MALRD1: variants seen among roughly 807,000 people sequenced by gnomAD.
MALRD1 encodes MAM and LDL receptor class A domain containing 1.
Under a neutral mutation model 242.1 loss-of-function variants are expected in MALRD1, and 247 were observed. That is an observed-to-expected ratio of 1.02 (90% CI 0.92 to 1.13). MALRD1 has a LOEUF of 1.13. Ranked by LOEUF, MALRD1 falls within the 50% of genes most tolerant of loss-of-function variation. The pLI is 0.00. For synonymous variants in MALRD1, 995 were observed against 866.6 expected, an observed-to-expected ratio of 1.15 and a Z score of -2.60; for missense variants, 2,989 against 2,533.1, an observed-to-expected ratio of 1.18 and a Z score of -3.86.
chr10:19,061,772 A>G (rs1380561525), intron 1 of MALRD1, among the ~76,000 whole-genome samples: 1 of 152,196 alleles, frequency 6.6e-6, no homozygotes, highest in Non-Finnish European at 1.5e-5. Context: ...CTTATACCAT[A>G]TACAACAAGG....
At chr10:19,182,807 A>G (rs760900598) in intron 14 of MALRD1, among the ~76,000 whole-genome samples, 6 of 152,174 alleles carry the variant, frequency 3.9e-5, no homozygotes, top group Admixed American at 6.5e-5. Context: ...CGATGCCCTT[A>G]GTCTCTAATA....
chr10:19,118,823 A>T (rs184620919), intron 5 of MALRD1, among the ~76,000 whole-genome samples: 14 of 152,298 alleles, frequency 9.2e-5, no homozygotes, highest in Admixed American at 4.6e-4. Flanking sequence ...TCCAGCTATA[A>T]ATGCAGAGGC....
chr10:19,101,674 T>G (rs1270201384), intron 4 of MALRD1, among the ~76,000 whole-genome samples: 1 of 135,656 alleles, frequency 7.4e-6, no homozygotes, highest in Non-Finnish European at 1.5e-5. Flanking sequence ...TCTATGTATA[T>G]AAGATATAGG....
At chr10:19,445,369 C>A (rs1834912929) in intron 28 of MALRD1, among the ~76,000 whole-genome samples, 1 of 152,102 alleles carries the variant, frequency 6.6e-6, no homozygotes, top group South Asian at 2.1e-4. Context: ...GAGCTGCGTT[C>A]CTTTGGAGGA....
At chr10:19,324,803 A>T (rs1588911477) in intron 22 of MALRD1, among the ~76,000 whole-genome samples, 1 of 151,952 alleles carries the variant, frequency 6.6e-6, no homozygotes, top group South Asian at 2.1e-4. Flanking sequence ...TCTTAGTTAA[A>T]TTTTATTGTG....
chr10:19,137,467 G>T (rs944089864), intron 10 of MALRD1, among the ~76,000 whole-genome samples: 3 of 151,950 alleles, frequency 2.0e-5, no homozygotes, highest in Non-Finnish European at 4.4e-5. Flanking sequence ...TTAGCCAGGC[G>T]TGGTGGTGGG....
At chr10:19,351,724 T>C (rs1844384918) in intron 25 of MALRD1, among the ~76,000 whole-genome samples, 1 of 152,306 alleles carries the variant, frequency 6.6e-6, no homozygotes, top group South Asian at 2.1e-4. Flanking sequence ...GAAGGAATCT[T>C]GCTTTCAGAA....
intron 28 of MALRD1, among the ~76,000 whole-genome samples, chr10:19,421,145 G>A (rs1165518629): frequency 3.3e-5 from 5 of 152,184 alleles, no homozygotes; most frequent in Admixed American, 6.6e-5. Flanking sequence ...CTTCAAATCA[G>A]CCAAAACAAC....
At chr10:19,699,322 G>A (rs141637111) in intron 38 of MALRD1, among the ~76,000 whole-genome samples, 2 of 150,748 alleles carry the variant, frequency 1.3e-5, no homozygotes, top group African/African-American at 4.9e-5. Context: ...GGGAAAGGAG[G>A]GAAAGGTAGG....
rs542592175 is a variant in MALRD1, at chr10:19,473,609, A to G, written c.5030-17908A>G. Among the ~76,000 whole-genome samples the G allele has an allele frequency of 1.2e-4, 18 of 152,216 alleles. No homozygotes were observed. In the South Asian group the frequency reaches 3.7e-3, roughly 32 times the overall value. ...TTGTGACTGGTTTATTTCATTTAGC[A>G]TAATGTCCTCAAAGCTTATTCTGTT... On this transcript the variant is annotated intron_variant, in intron 29 of 39. Transcript: ENST00000454679.
At chr10:19,611,748 A>G (rs1838909549) in intron 35 of MALRD1, among the ~76,000 whole-genome samples, 1 of 152,022 alleles carries the variant, frequency 6.6e-6, no homozygotes, top group Non-Finnish European at 1.5e-5. Flanking sequence ...TGTTTTGAGT[A>G]AATCAAAGCT....
chr10:19,168,955 A>T (rs2131515491), intron 13 of MALRD1, among the ~76,000 whole-genome samples: 1 of 152,320 alleles, frequency 6.6e-6, no homozygotes, highest in South Asian at 2.1e-4. Flanking sequence ...ACTACAGATG[A>T]GTAAAAGAAA....
At chr10:19,354,264 C>T (rs1319856602) in intron 26 of MALRD1, among the ~76,000 whole-genome samples, 1 of 151,928 alleles carries the variant, frequency 6.6e-6, no homozygotes, top group Non-Finnish European at 1.5e-5. Context: ...CATACCAGAG[C>T]TCTTTGAATA....
Position 19,615,873 on chromosome 10 carries a change from C to T in MALRD1, c.6087C>T (p.Tyr2029=). 2.6e-6 allele frequency: 4 copies of T among 1,530,960 alleles called. No homozygotes were observed. In the South Asian group the frequency reaches 3.6e-5, roughly 14 times the overall value. The allele number at this position is 1,530,960 out of a possible 1,614,324, so 94.8% of individuals were successfully genotyped here. A position where few individuals can be genotyped will look rare whatever the true frequency, so the allele number is the denominator to read the frequency against. Residue 2029 remains tyrosine (Y), a synonymous_variant, in exon 36 of 40, where the codon TAC becomes TAT. Transcript: ENST00000454679. The part of the protein sequence containing the change: ...ESSCSECPLN[Y]CRNGGTCVVE... Reference sequence around the variant, plus strand: ...TCTTTTTAGAATGTCCATTAAATTACTGCAGAAATGGTGGGACTTGTGTAG... The same window carrying T: ...TCTTTTTAGAATGTCCATTAAATTATTGCAGAAATGGTGGGACTTGTGTAG...
chr10:19,574,046 T>C (rs903483592), intron 33 of MALRD1, among the ~76,000 whole-genome samples: 5 of 152,140 alleles, frequency 3.3e-5, no homozygotes, highest in African/African-American at 1.2e-4. Context: ...TATTGGCAAA[T>C]AGCAAGGTGC....
chr10:19,060,681 C>T (rs1834797921), intron 1 of MALRD1, among the ~76,000 whole-genome samples: 1 of 152,144 alleles, frequency 6.6e-6, no homozygotes, highest in South Asian at 2.1e-4. Context: ...CCTTGTGTTT[C>T]ATTTATAATG....
At chr10:19,707,938 G>C (rs1317955229) in intron 38 of MALRD1, among the ~76,000 whole-genome samples, 1 of 121,056 alleles carries the variant, frequency 8.3e-6, no homozygotes, top group Non-Finnish European at 1.9e-5. Flanking sequence ...ACTCTAGCCT[G>C]GGTGTTAGAG....
intron 38 of MALRD1, among the ~76,000 whole-genome samples, chr10:19,699,325 A>AAGGAGGGAAAGGAGGGAG (rs1833515266): frequency 6.6e-6 from 1 of 150,506 alleles, no homozygotes; most frequent in Admixed American, 6.6e-5. Flanking sequence ...AAAGGAGGGA[A>AAGGAGGGAAAGGAGGGAG]AGGTAGGAGG....
At chr10:19,314,665 T>A (rs1842563627) in intron 21 of MALRD1, among the ~76,000 whole-genome samples, 1 of 151,622 alleles carries the variant, frequency 6.6e-6, no homozygotes, top group Admixed American at 6.6e-5. Context: ...ATGCCTGTTT[T>A]TGTAAATATG....
Sources: gnomAD v4.1 joint callset for allele counts (sites outside exome capture counted in the v4.1 genomes callset) on GRCh38, gnomAD v4.1.1 for gene constraint, MANE v1.5 for transcripts, NCBI Gene and HGNC (gene_info 2026-07-23, HGNC 2026-07-21) for gene names.